The following GRID1 variants were observed in gnomAD, a reference collection of about 807,000 sequenced individuals.
GRID1 encodes the protein glutamate ionotropic receptor delta type subunit 1.
In GRID1, 28 loss-of-function variants were observed where a neutral mutation model predicts 98.0. The observed-to-expected ratio is 0.29, with a 90% CI of 0.21 to 0.39. The LOEUF is 0.39. GRID1 is among the 10% of genes least tolerant of loss of function. The pLI is 1.00. For missense variants in GRID1, 1,111 were observed against 1,340.5 expected (o/e 0.83, Z 2.67); for synonymous variants, 553 against 538.5 (o/e 1.03, Z -0.37).
chr10:86,277,006 A>C (rs528466652), intron 2 of GRID1, among the ~76,000 whole-genome samples: 1 of 152,354 alleles, frequency 6.6e-6, no homozygotes, highest in South Asian at 2.1e-4. Flanking sequence ...AGATACCTAA[A>C]GTCATCAAAA....
At position 86,204,412 on chromosome 10, in the gene GRID1, G is replaced by C. The variant is rs376543189; in HGVS notation, c.520+1952C>G. Among the ~76,000 whole-genome samples the C allele has an allele frequency of 4.6e-5, 7 of 152,352 alleles. No homozygotes were observed. In the South Asian group the frequency reaches 1.0e-3, roughly 23 times the overall value. On this transcript the variant is annotated intron_variant, in intron 3 of 15. Coordinates refer to ENST00000327946, the MANE Select transcript of GRID1 (RefSeq NM_017551.3). ...GCACTCATGGAGGACTAGCCCTCAT[G>C]AGAGTCAGGACAAGCCAAGAGCAGG...
chr10:85,825,608 AG>A (rs1334479638), intron 8 of GRID1, among the ~76,000 whole-genome samples: 5 of 152,210 alleles, frequency 3.3e-5, no homozygotes, highest in Non-Finnish European at 7.3e-5. Context: ...AATTTATGCT[AG>A]ATTGTAATGA....
intron 13 of GRID1, among the ~76,000 whole-genome samples, chr10:85,628,577 C>A (rs1842937712): frequency 6.6e-6 from 1 of 152,092 alleles, no homozygotes; most frequent in Non-Finnish European, 1.5e-5. Flanking sequence ...AAAGGTGATG[C>A]AGAATCAAAA....
rs1283989372 is a variant in GRID1, at chr10:85,773,092, G to A, written c.1234-43478C>T. On this transcript the variant is annotated intron_variant, in intron 8 of 15. Coordinates refer to ENST00000327946, the MANE Select transcript of GRID1 (RefSeq NM_017551.3). ...ATCCTCAATAAAATACTGGCAAACC[G>A]AATCCAGCAGCACATCAAAAACCTT... is the stretch of plus-strand genomic sequence containing the variant. Among the ~76,000 whole-genome samples the A allele has an allele frequency of 4.6e-5, 7 of 152,218 alleles. No individual in the cohort carries two copies. The East Asian group carries it at 9.6e-4, about 21-fold the overall frequency.
rs181739608 is a variant in GRID1 at position 86,284,588 on chromosome 10, A to G, written c.236-77940T>C. On this transcript the variant is annotated intron_variant, in intron 2 of 15. Coordinates refer to ENST00000327946, the MANE Select transcript of GRID1 (RefSeq NM_017551.3). ...GCCAGCTCCCAGGTGGGGGCCAACAAAGCTGCTGTGCTCCATCACACAGCC... is the reference window on the plus strand; with the variant it reads ...GCCAGCTCCCAGGTGGGGGCCAACAGAGCTGCTGTGCTCCATCACACAGCC... 6.6e-4 allele frequency among the ~76,000 whole-genome samples: 101 copies of G among 152,324 alleles called. 1 individual carries two copies. Among genetic ancestry groups the G allele is most frequent in the African/African-American group, 2.4e-3 (100 of 41,570 alleles).
At position 86,157,032 on chromosome 10, in the gene GRID1, G is replaced by C. The variant is rs545859268; in HGVS notation, c.521-18008C>G. ...AACAAGCTGACTGTCTGGATGGAGA[G>C]AGGGGAAGAAAAGGGAGGCTAGGAT... On this transcript the variant is annotated intron_variant, in intron 3 of 15. Transcript: ENST00000327946. Among the ~76,000 whole-genome samples the C allele has an allele frequency of 3.3e-5, 5 of 152,292 alleles. No individual in the cohort carries two copies. In the East Asian group the frequency reaches 9.7e-4, roughly 29 times the overall value.
chr10:86,269,521 T>C (rs1426007333), intron 2 of GRID1, among the ~76,000 whole-genome samples: 1 of 152,020 alleles, frequency 6.6e-6, no homozygotes, highest in Non-Finnish European at 1.5e-5. Context: ...TAATTAGGAG[T>C]TCTCTTGGCC....
chr10:86,096,853 GTT>G (rs1349012158), intron 4 of GRID1, among the ~76,000 whole-genome samples: 1 of 152,208 alleles, frequency 6.6e-6, no homozygotes, highest in Non-Finnish European at 1.5e-5. Flanking sequence ...ATGTGGTACT[GTT>G]TCTTCCGTAG....
chr10:85,924,554 T>C (rs1841749364), intron 4 of GRID1, among the ~76,000 whole-genome samples: 1 of 152,226 alleles, frequency 6.6e-6, no homozygotes, highest in Non-Finnish European at 1.5e-5. Context: ...CCATATATCA[T>C]GCCTAACAAC....
intron 12 of GRID1, among the ~76,000 whole-genome samples, chr10:85,694,550 G>A (rs540047674): frequency 1.6e-4 from 15 of 92,828 alleles, no homozygotes; most frequent in Admixed American, 5.1e-4. Context: ...AATGTGGTGT[G>A]TATATATATA....
chr10:85,633,489 T>C (rs1207586941), intron 13 of GRID1, among the ~76,000 whole-genome samples: 1 of 152,208 alleles, frequency 6.6e-6, no homozygotes, highest in Non-Finnish European at 1.5e-5. Context: ...CTTTGCTGTC[T>C]GAAGCAGCTT....
intron 2 of GRID1, among the ~76,000 whole-genome samples, chr10:86,289,587 C>T (rs1170787085): frequency 6.6e-6 from 1 of 152,048 alleles, no homozygotes; most frequent in Non-Finnish European, 1.5e-5. Context: ...GCTCTGATCT[C>T]CCCAGCTCCT....
chr10:86,128,666 C>G (rs1013642147), intron 4 of GRID1, among the ~76,000 whole-genome samples: 1 of 152,220 alleles, frequency 6.6e-6, no homozygotes, highest in Admixed American at 6.5e-5. Flanking sequence ...GTCCACCGAC[C>G]TAGCAGCAGG....
chr10:86,028,160 T>G (rs74464880), intron 4 of GRID1, among the ~76,000 whole-genome samples: 1,890 of 152,280 alleles, frequency 0.012, 39 homozygotes, highest in African/African-American at 0.042. Context: ...CTCCACCCAA[T>G]ACTTCCTTGA....
chr10:86,045,672 G>A (rs1227654771), intron 4 of GRID1, among the ~76,000 whole-genome samples: 6 of 152,152 alleles, frequency 3.9e-5, no homozygotes, highest in South Asian at 2.1e-4. Context: ...GAAGGAAGGC[G>A]AGGCACCGAG....
At chr10:86,172,281 C>G (rs1235931793) in intron 3 of GRID1, among the ~76,000 whole-genome samples, 3 of 152,186 alleles carry the variant, frequency 2.0e-5, no homozygotes, top group Non-Finnish European at 4.4e-5. Flanking sequence ...TAGCTTCTTT[C>G]ACTTGGCATA....
chr10:86,348,604 G>A (rs1387701871), intron 2 of GRID1, among the ~76,000 whole-genome samples: 1 of 152,220 alleles, frequency 6.6e-6, no homozygotes, highest in Non-Finnish European at 1.5e-5. Context: ...GCTGAGTGGG[G>A]GCCCATCTGC....
chr10:86,210,622 C>T (rs965969537), intron 2 of GRID1, among the ~76,000 whole-genome samples: 2 of 152,194 alleles, frequency 1.3e-5, no homozygotes, highest in East Asian at 3.9e-4. Flanking sequence ...TGAGCACTGC[C>T]GGCCCACCCC....
chr10:86,356,780 A>G (rs1848539101), intron 2 of GRID1, among the ~76,000 whole-genome samples: 1 of 152,240 alleles, frequency 6.6e-6, no homozygotes. Context: ...TGGGTAACCA[A>G]GTGTAAAAAG....
Sources: gnomAD v4.1 joint callset for allele counts (sites outside exome capture counted in the v4.1 genomes callset) on GRCh38, gnomAD v4.1.1 for gene constraint, MANE v1.5 for transcripts, NCBI Gene and HGNC (gene_info 2026-07-23, HGNC 2026-07-21) for gene names.